Variants in GTF2IRD1 observed in about 807,000 individuals in gnomAD.
GTF2IRD1 encodes general transcription factor II-I repeat domain-containing protein 1.
GTF2IRD1 carries 26 observed loss-of-function variants against 113.2 expected under a neutral mutation model. The ratio of observed to expected loss-of-function variants is 0.23; its 90% CI spans 0.17 to 0.32. The LOEUF (loss-of-function observed/expected upper bound fraction) is 0.32. Among genes scored for constraint, GTF2IRD1 ranks in the 10% least tolerant of loss-of-function variants. The pLI, the probability that GTF2IRD1 is intolerant of heterozygous loss-of-function variation, is 1.00. For missense variants in GTF2IRD1, 864 were observed against 1,280.8 expected, an observed-to-expected ratio of 0.67 and a Z score of 4.97; for synonymous variants, 484 against 529.1, an observed-to-expected ratio of 0.91 and a Z score of 1.17.
rs1792883866 is a variant in GTF2IRD1, at chr7:74,455,191, G to A, written c.-7+1015G>A. Among the ~76,000 whole-genome samples, 5 of 152,224 alleles carry A rather than the reference G, an allele frequency of 3.3e-5. No individual in the cohort carries two copies. In the South Asian group the frequency reaches 1.0e-3, roughly 32 times the overall value. ...GAGGGTGCTGGGACATAGGGGTCTC[G>A]CTGCAGGGCCTGTGAGGGGAGCACT... On this transcript the variant is annotated intron_variant, in intron 1 of 26. Transcript: ENST00000424337.
chr7:74,529,766 G>A lies in GTF2IRD1; in HGVS notation c.1123G>A (p.Val375Met). The change falls in exon 9 of 27, where the codon GTG becomes ATG. Residue 375 changes from valine (V) to methionine (M), a missense_variant. Around this residue, in one of 7 missense-constraint regions of GTF2IRD1, gnomAD observed 218 missense variants for 352.6 expected, o/e 0.62. Coordinates refer to ENST00000424337, the MANE Select transcript of GTF2IRD1 (RefSeq NM_005685.4). ...CCTGGGCCTGGACCACATGGTCCCC[G>A]TGCCCTACCGGAAGATTGCCTGTGA... ...EALGLDHMVP[V>M]PYRKIACDPE... is the part of the protein sequence containing the mutation. 7 of 1,614,054 alleles carry A rather than the reference G, an allele frequency of 4.3e-6. No homozygotes were observed. Among genetic ancestry groups the A allele is most frequent in the African/African-American group, 1.3e-5 (1 of 75,034 alleles).
intron 9 of GTF2IRD1, among the ~76,000 whole-genome samples, chr7:74,531,630 C>T (rs1480740646): frequency 1.3e-5 from 2 of 152,002 alleles, no homozygotes; most frequent in African/African-American, 4.8e-5. Context: ...GGCCTGTAAT[C>T]CCAGCACTTT....
At chr7:74,513,074 G>C in intron 3 of GTF2IRD1, 103 bp downstream of exon 3, 1 of 1,103,260 alleles carries the variant, frequency 9.1e-7, no homozygotes, top group Non-Finnish European at 1.3e-6. Flanking sequence ...GGGTGGCGGT[G>C]TGTGGGGAGT....
At chr7:74,485,324 A>G (rs1337890010) in intron 1 of GTF2IRD1, among the ~76,000 whole-genome samples, 3 of 152,214 alleles carry the variant, frequency 2.0e-5, no homozygotes, top group Non-Finnish European at 2.9e-5. Context: ...GCCTTTAAAA[A>G]TAGATGCAGC....
At chr7:74,477,347 G>GT (rs148428425) in intron 1 of GTF2IRD1, among the ~76,000 whole-genome samples, 170 of 110,904 alleles carry the variant, frequency 1.5e-3, no homozygotes, top group African/African-American at 2.8e-3. Flanking sequence ...CTGGGCGACA[G>GT]TTTTTTTTTT....
chr7:74,590,549 C>T (rs587606586), intron 23 of GTF2IRD1, among the ~76,000 whole-genome samples: 10 of 152,108 alleles, frequency 6.6e-5, no homozygotes, highest in East Asian at 5.8e-4. Context: ...CCACCACGCC[C>T]GGCTAATTTT....
chr7:74,553,480 G>A (rs1316236869), intron 17 of GTF2IRD1, among the ~76,000 whole-genome samples: 3 of 151,814 alleles, frequency 2.0e-5, no homozygotes, highest in Admixed American at 1.3e-4. Flanking sequence ...TAGAGAAGGG[G>A]TCTCGCTATG....
intron 1 of GTF2IRD1, among the ~76,000 whole-genome samples, chr7:74,474,272 G>A (rs893431375): frequency 6.6e-6 from 1 of 152,110 alleles, no homozygotes; most frequent in Non-Finnish European, 1.5e-5. Context: ...CTTACCTATG[G>A]GGTCCCCTCT....
intron 1 of GTF2IRD1, among the ~76,000 whole-genome samples, chr7:74,462,569 C>T (rs1562767469): frequency 1.3e-5 from 2 of 152,220 alleles, no homozygotes; most frequent in Non-Finnish European, 1.5e-5. Context: ...CCTCTAGCCA[C>T]TCTCCTCTCT....
At chr7:74,461,073 C>G (rs1331740979) in intron 1 of GTF2IRD1, among the ~76,000 whole-genome samples, 1 of 152,210 alleles carries the variant, frequency 6.6e-6, no homozygotes. Flanking sequence ...TGGCTCTCCC[C>G]AACCTGCCTG....
chr7:74,538,429 A>C (rs1798429351), intron 12 of GTF2IRD1, among the ~76,000 whole-genome samples: 1 of 152,220 alleles, frequency 6.6e-6, no homozygotes, highest in African/African-American at 2.4e-5. Flanking sequence ...CCCAGGCTGC[A>C]GGTTCTTGGA....
At chr7:74,526,596 G>A (rs1315487212) in intron 8 of GTF2IRD1, among the ~76,000 whole-genome samples, 1 of 152,214 alleles carries the variant, frequency 6.6e-6, no homozygotes, top group Non-Finnish European at 1.5e-5. Context: ...CGAGGAGGGT[G>A]CATGGTGGCA....
At chr7:74,532,073 G>A (rs1398131594) in intron 9 of GTF2IRD1, among the ~76,000 whole-genome samples, 2 of 152,122 alleles carry the variant, frequency 1.3e-5, no homozygotes, top group East Asian at 1.9e-4. Context: ...GCTGGCCAGC[G>A]ACCCCTTGGT....
chr7:74,545,051 G>A (rs1290151562), intron 15 of GTF2IRD1, among the ~76,000 whole-genome samples: 3 of 152,152 alleles, frequency 2.0e-5, no homozygotes, highest in African/African-American at 7.2e-5. Context: ...AAAATTGCAA[G>A]CCTTTGTTTT....
At chr7:74,569,631 C>G (rs1432107118) in intron 22 of GTF2IRD1, among the ~76,000 whole-genome samples, 2 of 152,136 alleles carry the variant, frequency 1.3e-5, no homozygotes, top group African/African-American at 2.4e-5. Flanking sequence ...ACCATGGTAA[C>G]CATATTTCCA....
intron 1 of GTF2IRD1, among the ~76,000 whole-genome samples, chr7:74,496,751 C>T (rs1562803230): frequency 6.6e-6 from 1 of 152,022 alleles, no homozygotes; most frequent in Non-Finnish European, 1.5e-5. Context: ...CTCCCTCTCT[C>T]CACTCCATTC....
chr7:74,480,400 C>T (rs527416474), intron 1 of GTF2IRD1, among the ~76,000 whole-genome samples: 1 of 152,310 alleles, frequency 6.6e-6, no homozygotes, highest in Non-Finnish European at 1.5e-5. Flanking sequence ...CAGGGGCAAG[C>T]GCCCCCTCCT....
chr7:74,516,427 C>T (rs1264264422), intron 4 of GTF2IRD1, among the ~76,000 whole-genome samples: 2 of 152,226 alleles, frequency 1.3e-5, no homozygotes, highest in East Asian at 1.9e-4. Context: ...CCATGTCTTT[C>T]CTGCAGGAAG....
intron 25 of GTF2IRD1, among the ~76,000 whole-genome samples, chr7:74,598,961 G>A (rs1430388597): frequency 6.6e-6 from 1 of 152,108 alleles, no homozygotes; most frequent in African/African-American, 2.4e-5. Context: ...AGAGACATTT[G>A]CCCCATGGAC....
Sources: allele counts gnomAD v4.1 joint callset (sites outside exome capture counted in the v4.1 genomes callset), GRCh38; gene constraint gnomAD v4.1.1; regional missense constraint gnomAD v4.1.1; transcripts MANE v1.5; gene names NCBI Gene and HGNC (gene_info 2026-07-23, HGNC 2026-07-21).